ALG12: variants seen among roughly 807,000 people sequenced by gnomAD.
ALG12 encodes the protein dol-P-Man:Man(7)GlcNAc(2)-PP-Dol alpha-1,6-mannosyltransferase.
ALG12 carries 36 observed loss-of-function variants against 46.0 expected under a neutral mutation model. The ratio of observed to expected loss-of-function variants is 0.78; its 90% CI spans 0.60 to 1.03. The LOEUF (loss-of-function observed/expected upper bound fraction) is 1.03, where lower values mean the gene tolerates loss of function less well. Ranked by LOEUF, ALG12 falls within the 50% of genes least tolerant of loss-of-function variation. ALG12 has a pLI of 0.00. For synonymous variants in ALG12, 326 were observed against 291.6 expected (o/e 1.12, Z -1.20); for missense variants, 599 against 633.5 (o/e 0.95, Z 0.58).
At chr22:49,881,780 A>C in the ALG12 span, among the ~76,000 whole-genome samples, 2 of 151,744 alleles carry the variant, frequency 1.3e-5, no homozygotes, top group African/African-American at 4.8e-5. Context: ...CGATCCTCCC[A>C]CCTCAGCCTC....
At chr22:49,867,357 G>C in the ALG12 span, among the ~76,000 whole-genome samples, 1 of 152,218 alleles carries the variant, frequency 6.6e-6, no homozygotes, top group Non-Finnish European at 1.5e-5. Flanking sequence ...GAAGAAGCGT[G>C]TGCCAGGCGG....
At chr22:49,882,711 C>T in the ALG12 span, among the ~76,000 whole-genome samples, 2 of 152,194 alleles carry the variant, frequency 1.3e-5, no homozygotes, top group African/African-American at 2.4e-5. Context: ...TGTCAGGTCC[C>T]GTGACTGTCT....
At chr22:49,885,510 C>G in the ALG12 span, 2 of 1,610,026 alleles carry the variant, frequency 1.2e-6, no homozygotes, top group Non-Finnish European at 1.7e-6. Context: ...AAACTGAGGT[C>G]TCGGAGACGG....
At chr22:49,869,008 G>C in the ALG12 span, among the ~76,000 whole-genome samples, 16,823 of 150,418 alleles carry the variant, frequency 0.11, 1,298 homozygotes, top group African/African-American at 0.21. Context: ...CCTGTAATCC[G>C]AGCTGCTTGT....
chr22:49,907,141 G>A (rs1412050255), intron 7 of ALG12, among the ~76,000 whole-genome samples: 4 of 152,062 alleles, frequency 2.6e-5, no homozygotes, highest in South Asian at 2.1e-4. Context: ...CAGATGACCC[G>A]CCTTGACAAA....
chr22:49,909,933 C>G lies in ALG12; in HGVS notation c.625G>C (p.Ala209Pro), dbSNP rs368695462. Residue 209 changes from alanine to proline, a missense_variant, in exon 5 of 10, where the codon GCC (alanine) becomes CCC (proline). By Grantham distance (27) the Ala-to-Pro change is conservative (BLOSUM62 -1). Transcript: ENST00000330817. ...LGNRKVSVVR[A>P]LRHAVPAGIL... The stretch of plus-strand genomic sequence containing the variant: ...CCTGCCGGGACGGCGTGGCGAAGGG[C>G]TCTGACTACAGAAACCTTTCGGTTG... The G allele has an allele frequency of 4.3e-6, 7 of 1,614,038 alleles. No individual in the cohort carries two copies. Among genetic ancestry groups the G allele is most frequent in the African/African-American group, 1.3e-5 (1 of 74,954 alleles).
At chr22:49,896,667 G>C (rs946659007), downstream of ALG12, among the ~76,000 whole-genome samples, 1 of 152,034 alleles carries the variant, frequency 6.6e-6, no homozygotes, top group African/African-American at 2.4e-5. Context: ...ATGAAGTCTT[G>C]GTTTGTTGCC....
At chr22:49,877,048 ATCAG>A in the ALG12 span, among the ~76,000 whole-genome samples, 107 of 152,300 alleles carry the variant, frequency 7.0e-4, no homozygotes, top group Middle Eastern at 3.4e-3. Flanking sequence ...CACATTGAAA[ATCAG>A]TCAGATTTAC....
chr22:49,884,325 A>T, the ALG12 span: 1 of 1,613,844 alleles, frequency 6.2e-7, no homozygotes, highest in Non-Finnish European at 8.5e-7. Context: ...CCCCCGATCG[A>T]ATAACAGAGG....
At chr22:49,873,687 TATG>T in the ALG12 span, among the ~76,000 whole-genome samples, 23,524 of 149,438 alleles carry the variant, frequency 0.16, 5,017 homozygotes, top group African/African-American at 0.49. Flanking sequence ...GGTGCGGTGA[TATG>T]AGGTGATATG....
At chr22:49,894,072 C>G in the ALG12 span, among the ~76,000 whole-genome samples, 3 of 151,968 alleles carry the variant, frequency 2.0e-5, no homozygotes, top group Non-Finnish European at 4.4e-5. Flanking sequence ...GGTTGAGGCA[C>G]GAGAATTGCT....
chr22:49,859,504 G>A, the ALG12 span, among the ~76,000 whole-genome samples: 4 of 152,054 alleles, frequency 2.6e-5, no homozygotes, highest in South Asian at 8.3e-4. Context: ...CAGGCTCACG[G>A]TGATGTCTTT....
the ALG12 span, among the ~76,000 whole-genome samples, chr22:49,873,311 T>G: frequency 6.6e-6 from 1 of 152,154 alleles, no homozygotes; most frequent in East Asian, 1.9e-4. Flanking sequence ...TCGGCCTAAT[T>G]CTAATTTCTC....
the ALG12 span, chr22:49,884,012 A>G: frequency 6.2e-7 from 1 of 1,610,586 alleles, no homozygotes; most frequent in Non-Finnish European, 8.5e-7. Context: ...TCCAGGAAGA[A>G]GTCTCCAGCC....
the ALG12 span, among the ~76,000 whole-genome samples, chr22:49,867,641 C>T: frequency 6.6e-6 from 1 of 152,196 alleles, no homozygotes; most frequent in African/African-American, 2.4e-5. Context: ...GTGGGCCGTC[C>T]AGTGATACCT....
chr22:49,900,984 C>T lies in ALG12; in HGVS notation c.*2854G>A, dbSNP rs982485605. The T allele has an allele frequency of 6.6e-6, 1 of 152,252 alleles. No individual in the cohort carries two copies. Among genetic ancestry groups the T allele is most frequent in the Non-Finnish European group, 1.5e-5 (1 of 68,052 alleles). 9.4% of individuals were successfully genotyped at this position (152,252 alleles called of 1,614,324 possible). On this transcript the variant is annotated 3_prime_UTR_variant, in exon 10 of 10. Transcript: ENST00000330817. ...ACAGAGCAATGGCCGAGGCCAGAGG[C>T]CCAAGAGGACGCCCTGCCATGCCTG... is the stretch of plus-strand genomic sequence containing the variant.
chr22:49,885,501 A>T, the ALG12 span: 1 of 1,610,944 alleles, frequency 6.2e-7, no homozygotes, highest in Non-Finnish European at 8.5e-7. Flanking sequence ...ACGTGCTGAA[A>T]ACTGAGGTCT....
rs191679863 is a variant in ALG12, at chr22:49,905,951, A to C, written c.993-1445T>G. 3.3e-3 allele frequency among the ~76,000 whole-genome samples: 504 copies of C among 152,246 alleles called. 9 individuals carry two copies. The highest frequency in any genetic ancestry group is 0.012 in the African/African-American group (485 of 41,544). On this transcript the variant is annotated intron_variant, in intron 7 of 9. Transcript: ENST00000330817. This position sits in a 1 kb window ranked among gnomAD's most constrained non-coding sequence, Gnocchi z 4.9. ...TGGGCAGTCACTGTGGAAAGCTCGC[A>C]ATCAGAAACCTTCCACCCCCAGGAC...
At chr22:49,869,869 A>G in the ALG12 span, among the ~76,000 whole-genome samples, 1 of 152,174 alleles carries the variant, frequency 6.6e-6, no homozygotes, top group Non-Finnish European at 1.5e-5. Flanking sequence ...ACGACATGGT[A>G]TATTGCGTGA....
Sources: gnomAD v4.1 joint callset for allele counts (sites outside exome capture counted in the v4.1 genomes callset) on GRCh38, gnomAD v4.1.1 for gene constraint, Gnocchi (gnomAD v3.1) non-coding constraint, MANE v1.5 for transcripts, NCBI Gene and HGNC (gene_info 2026-07-23, HGNC 2026-07-21) for gene names.